ATP5MC3: variants seen among roughly 807,000 people sequenced by gnomAD.
The protein encoded by ATP5MC3 is ATP synthase F(0) complex subunit C3, mitochondrial.
ATP5MC3 carries 6 observed loss-of-function variants against 15.6 expected under a neutral mutation model. That is an observed-to-expected ratio of 0.38 (90% confidence interval 0.21 to 0.76). The LOEUF (loss-of-function observed/expected upper bound fraction) is 0.76, where lower values mean the gene tolerates loss of function less well. Ranked by LOEUF, ATP5MC3 falls within the 30% of genes least tolerant of loss-of-function variation. The pLI, the probability that ATP5MC3 is intolerant of heterozygous loss-of-function variation, is 0.44. For missense variants in ATP5MC3, 132 were observed against 171.2 expected, an observed-to-expected ratio of 0.77 and a Z score of 1.28; for synonymous variants, 66 against 63.3, an observed-to-expected ratio of 1.04 and a Z score of -0.20.
rs1700693601 is a variant in ATP5MC3 at position 175,176,887 on chromosome 2, T to C, written c.*1401A>G. On this transcript the variant is annotated 3_prime_UTR_variant, in exon 5 of 5. Coordinates refer to ENST00000284727, the MANE Select transcript of ATP5MC3 (RefSeq NM_001689.5). The stretch of plus-strand genomic sequence containing the variant: ...TATCCATTCATCAGCTGATAGACAT[T>C]TGGTTGTTTCTACCTTTCGGCTATT... 1.3e-5 allele frequency: 2 copies of C among 152,188 alleles called. No homozygotes were observed. The highest frequency in any genetic ancestry group is 6.5e-5 in the Admixed American group (1 of 15,288). 9.4% of individuals were successfully genotyped at this position (152,188 alleles called of 1,614,324 possible).
intron 4 of ATP5MC3, 166 bp downstream of exon 4, chr2:175,178,891 C>T (rs1700726636): frequency 1.6e-6 from 2 of 1,231,322 alleles, no homozygotes; most frequent in Non-Finnish European, 2.2e-6. Flanking sequence ...CTCATAACAC[C>T]CCAAATGGTG....
intron 3 of ATP5MC3, 197 bp downstream of exon 3, chr2:175,179,901 G>C: frequency 1.9e-6 from 1 of 519,346 alleles, no homozygotes. Context: ...GCCAAGTTTT[G>C]GATAGAGAAA....
chr2:175,181,700 G>A lies in ATP5MC3; in HGVS notation c.-118C>T, dbSNP rs929726805. 3.0e-5 allele frequency: 12 copies of A among 395,858 alleles called. No homozygotes were observed. Among genetic ancestry groups the A allele is most frequent in the Admixed American group, 9.1e-5 (2 of 22,054 alleles). 24.5% of individuals were successfully genotyped at this position (395,858 alleles called of 1,614,324 possible). On this transcript the variant is annotated 5_prime_UTR_variant, in exon 1 of 5. Coordinates refer to ENST00000284727, the MANE Select transcript of ATP5MC3 (RefSeq NM_001689.5). Reference sequence around the variant, plus strand: ...GGCACGGGCTGCGGCAGAGGTCGAAGGAGTGGGACTCAATGCGCAAGCGCG... The same window carrying A: ...GGCACGGGCTGCGGCAGAGGTCGAAAGAGTGGGACTCAATGCGCAAGCGCG...
intron 4 of ATP5MC3, chr2:175,178,654 G>C: frequency 8.2e-7 from 1 of 1,213,270 alleles, no homozygotes; most frequent in Admixed American, 4.0e-5. Flanking sequence ...TTATCCATCT[G>C]AAAATATGAT....
In ATP5MC3 at chr2:175,179,054, T is replaced by A; in HGVS notation, c.314+3A>T. On this transcript the variant is annotated splice_donor_region_variant and intron_variant, in intron 4 of 4. Coordinates refer to ENST00000284727, the MANE Select transcript of ATP5MC3 (RefSeq NM_001689.5). ...TAACTTATTTAGGGATAGAAATGAT[T>A]ACCTGGCATAACCAATGATAAGGCT... The A allele has an allele frequency of 6.2e-7, 1 of 1,611,628 alleles. No individual in the cohort carries two copies. The highest frequency in any genetic ancestry group is 1.1e-5 in the South Asian group (1 of 91,030).
At chr2:175,181,567 T>C (rs1700774456) in intron 1 of ATP5MC3, 89 bp downstream of exon 1, 2 of 748,288 alleles carry the variant, frequency 2.7e-6, no homozygotes, top group African/African-American at 3.6e-5. Context: ...TTGGGCCCCG[T>C]GCCCAGTGAG....
In ATP5MC3 at chr2:175,179,396, C is replaced by T. The variant is rs111268267; in HGVS notation, c.121-146G>A. ...AAATCAAGAGCTTAGAATAATCTCA[C>T]TCTTGTGTAACAGGGATAACAATAT... On this transcript the variant is annotated intron_variant, in intron 3 of 4. Coordinates refer to ENST00000284727, the MANE Select transcript of ATP5MC3 (RefSeq NM_001689.5). 267 of 1,073,574 alleles carry T rather than the reference C, an allele frequency of 2.5e-4. 1 individual carries two copies. In the African/African-American group the frequency reaches 4.1e-3, roughly 16 times the overall value. The allele number at this position is 1,073,574 out of a possible 1,614,324, so 66.5% of individuals were successfully genotyped here.
In ATP5MC3 at chr2:175,177,080, T is replaced by G. The variant is rs979753161; in HGVS notation, c.*1208A>C. The G allele has an allele frequency of 2.6e-5, 4 of 152,142 alleles. No individual in the cohort carries two copies. Among genetic ancestry groups the G allele is most frequent in the Admixed American group, 2.6e-4 (4 of 15,266 alleles). 9.4% of individuals were successfully genotyped at this position (152,142 alleles called of 1,614,324 possible). ...TTCACTTTACAGAAGGTAGGATATA[T>G]ATATAACTTAGTGACTCTCAAACAG... On this transcript the variant is annotated 3_prime_UTR_variant, in exon 5 of 5. Coordinates refer to ENST00000284727, the MANE Select transcript of ATP5MC3 (RefSeq NM_001689.5).
At position 175,177,289 on chromosome 2, in the gene ATP5MC3, TCAAA is replaced by T. The variant is rs1203266105; in HGVS notation, c.*995_*998del. ...GGTGACTGCTCTTTCTCAATGGAAA[TCAAA>T]CAGGCAAAGGGCACTAAGAAAAGTA... On this transcript the variant is annotated 3_prime_UTR_variant, in exon 5 of 5. Coordinates refer to ENST00000284727, the MANE Select transcript of ATP5MC3 (RefSeq NM_001689.5). 1 of 152,116 alleles carries T rather than the reference TCAAA, an allele frequency of 6.6e-6. No homozygotes were observed. The highest frequency in any genetic ancestry group is 2.4e-5 in the African/African-American group (1 of 41,414). 9.4% of individuals were successfully genotyped at this position (152,116 alleles called of 1,614,324 possible). A position where few individuals can be genotyped will look rare whatever the true frequency, so the allele number is the denominator to read the frequency against.
Position 175,179,145 on chromosome 2 carries a change from T to C in ATP5MC3, c.226A>G (p.Ile76Val). The change falls in exon 4 of 5, where the codon ATT becomes GTT. Residue 76 changes from isoleucine to valine, a missense_variant. This residue lies in a region of ATP5MC3 where 42 missense variants were observed against 85.0 expected (regional missense o/e 0.49). Coordinates refer to ENST00000284727, the MANE Select transcript of ATP5MC3 (RefSeq NM_001689.5). ...SRDIDTAAKF[I>V]GAGAATVGVA... ...CCTACTGTTGCAGCACCTGCACCAA[T>C]AAATTTGGCAGCAGTATCAATGTCT... 1.9e-6 allele frequency: 3 copies of C among 1,614,200 alleles called. No individual in the cohort carries two copies. The highest frequency in any genetic ancestry group is 2.5e-6 in the Non-Finnish European group (3 of 1,180,024).
intron 3 of ATP5MC3, chr2:175,179,874 T>C: frequency 4.1e-6 from 2 of 488,878 alleles, no homozygotes; most frequent in Non-Finnish European, 7.0e-6. Context: ...ATCAATAGAC[T>C]TGAATATAAA....
intron 1 of ATP5MC3, 82 bp from the exon 2 acceptor site, chr2:175,181,548 G>A: frequency 2.2e-6 from 2 of 894,442 alleles, no homozygotes; most frequent in Non-Finnish European, 3.4e-6. Context: ...TCCCGTGCAC[G>A]CCGTCAGCTT....
intron 2 of ATP5MC3, 41 bp from the exon 3 acceptor site, chr2:175,180,219 G>A: frequency 6.8e-7 from 1 of 1,475,716 alleles, no homozygotes; most frequent in Non-Finnish European, 9.1e-7. Context: ...TATTAAGAAA[G>A]AATACAGGTA....
At chr2:175,181,522 C>T in intron 1 of ATP5MC3, 56 bp from the exon 2 acceptor site, 2 of 1,139,732 alleles carry the variant, frequency 1.8e-6, no homozygotes, top group Non-Finnish European at 1.2e-6. Flanking sequence ...GTTCTTCCCA[C>T]CCAGGCCCCG....
intron 2 of ATP5MC3, 99 bp downstream of exon 2, chr2:175,181,256 C>A: frequency 7.1e-7 from 1 of 1,403,388 alleles, no homozygotes; most frequent in South Asian, 1.4e-5. Context: ...CCCGAGAGGG[C>A]GGTGTGCCCC....
chr2:175,178,480 C>G, intron 4 of ATP5MC3, 78 bp from the exon 5 acceptor site: 2 of 1,510,610 alleles, frequency 1.3e-6, no homozygotes, highest in Non-Finnish European at 1.8e-6. Flanking sequence ...AATCAGATTA[C>G]TAGTGTGGGG....
intron 4 of ATP5MC3, 187 bp downstream of exon 4, chr2:175,178,870 T>C (rs1016855517): frequency 9.7e-6 from 11 of 1,138,472 alleles, no homozygotes; most frequent in Middle Eastern, 3.1e-4. Flanking sequence ...TAGTCCTTCA[T>C]AGATGTTATT....
chr2:175,178,192 C>T lies in ATP5MC3; in HGVS notation c.*96G>A. The stretch of plus-strand genomic sequence containing the variant: ...ATGACTTTGGAAATAACGTACATTC[C>T]CATGACACCAATACTACAGTTTTCG... On this transcript the variant is annotated 3_prime_UTR_variant, in exon 5 of 5. Transcript: ENST00000284727. 6.7e-7 allele frequency: 1 copy of T among 1,487,972 alleles called. No individual in the cohort carries two copies. 92.2% of individuals were successfully genotyped at this position (1,487,972 alleles called of 1,614,324 possible).
rs1700706991 is a variant in ATP5MC3, at chr2:175,177,545, A to G, written c.*743T>C. On this transcript the variant is annotated 3_prime_UTR_variant, in exon 5 of 5. Transcript: ENST00000284727. ...CACTATAAACATGTTAGCAACAGTGATACACACTGCCTTACAGCAATTTTT... is the reference window on the plus strand; with the variant it reads ...CACTATAAACATGTTAGCAACAGTGGTACACACTGCCTTACAGCAATTTTT... 1 of 152,200 alleles carries G rather than the reference A, an allele frequency of 6.6e-6. No homozygotes were observed. Among genetic ancestry groups the G allele is most frequent in the Admixed American group, 6.5e-5 (1 of 15,276 alleles). 9.4% of individuals were successfully genotyped at this position (152,200 alleles called of 1,614,324 possible).
Sources: gnomAD v4.1 joint callset for allele counts on GRCh38, gnomAD v4.1.1 for gene constraint, gnomAD v4.1.1 regional missense constraint, MANE v1.5 for transcripts, NCBI Gene and HGNC (gene_info 2026-07-23, HGNC 2026-07-21) for gene names.